SNX18: variants seen among roughly 807,000 people sequenced by gnomAD.
SNX18 encodes sorting nexin 18.
In SNX18, 35 loss-of-function variants were observed where a neutral mutation model predicts 48.7. The ratio of observed to expected loss-of-function variants is 0.72; its 90% CI spans 0.55 to 0.95. SNX18 has a LOEUF of 0.95. Among genes scored for constraint, SNX18 ranks in the 40% least tolerant of loss-of-function variants. The pLI, the probability that SNX18 is intolerant of heterozygous loss-of-function variation, is 0.00. For synonymous variants in SNX18, 492 were observed against 384.7 expected (o/e 1.28, Z -3.26); for missense variants, 824 against 871.0 (o/e 0.95, Z 0.68).
At chr5:54,558,776 G>A in the SNX18 span, among the ~76,000 whole-genome samples, 7 of 152,106 alleles carry the variant, frequency 4.6e-5, no homozygotes. Flanking sequence ...GGGACTACAG[G>A]TTGTTCGATG....
the SNX18 span, among the ~76,000 whole-genome samples, chr5:54,594,363 C>T: frequency 6.6e-6 from 1 of 152,184 alleles, no homozygotes; most frequent in East Asian, 1.9e-4. Context: ...ACTCATGAGA[C>T]TGTACCCTTA....
At chr5:54,584,290 C>T in the SNX18 span, among the ~76,000 whole-genome samples, 101 of 152,108 alleles carry the variant, frequency 6.6e-4, no homozygotes, top group Non-Finnish European at 5.0e-4. Context: ...TCAGGCAGTC[C>T]GCGTGCCTCA....
the SNX18 span, among the ~76,000 whole-genome samples, chr5:54,609,585 A>G: frequency 5.3e-5 from 8 of 152,052 alleles, no homozygotes; most frequent in Admixed American, 1.3e-4. Context: ...CCTAAAGCTT[A>G]ATTTTCATAA....
chr5:54,640,905 C>A, the SNX18 span, among the ~76,000 whole-genome samples: 1 of 152,190 alleles, frequency 6.6e-6, no homozygotes, highest in Non-Finnish European at 1.5e-5. Context: ...ACTAAAAATA[C>A]AAAAATTAGC....
the SNX18 span, among the ~76,000 whole-genome samples, chr5:54,583,752 A>G: frequency 2.0e-5 from 3 of 152,234 alleles, no homozygotes; most frequent in Admixed American, 2.0e-4. Flanking sequence ...TAATTTTCCC[A>G]GATTAGGAAA....
At chr5:54,565,916 C>T in the SNX18 span, among the ~76,000 whole-genome samples, 1 of 152,080 alleles carries the variant, frequency 6.6e-6, no homozygotes, top group African/African-American at 2.4e-5. Context: ...AGAAAAGAAC[C>T]CACTGACTTT....
the SNX18 span, among the ~76,000 whole-genome samples, chr5:54,636,376 T>TA: frequency 6.6e-6 from 1 of 152,188 alleles, no homozygotes; most frequent in Non-Finnish European, 1.5e-5. Flanking sequence ...AACTTTTTTT[T>TA]TTATCTCTGG....
chr5:54,564,971 G>C, the SNX18 span, among the ~76,000 whole-genome samples: 2 of 152,212 alleles, frequency 1.3e-5, no homozygotes, highest in African/African-American at 4.8e-5. Context: ...CCATCTTCTT[G>C]AGGCTGCTCA....
chr5:54,641,038 C>G, the SNX18 span, among the ~76,000 whole-genome samples: 4,251 of 151,872 alleles, frequency 0.028, 206 homozygotes, highest in African/African-American at 0.097. Flanking sequence ...CCAGCCTGCA[C>G]GACAAAGCAA....
the SNX18 span, among the ~76,000 whole-genome samples, chr5:54,575,726 C>T: frequency 1.3e-5 from 2 of 152,042 alleles, no homozygotes; most frequent in Admixed American, 1.3e-4. Flanking sequence ...ATACTAGCCC[C>T]ACCCCACCAT....
At chr5:54,615,899 T>C in the SNX18 span, among the ~76,000 whole-genome samples, 1 of 152,180 alleles carries the variant, frequency 6.6e-6, no homozygotes, top group Non-Finnish European at 1.5e-5. Flanking sequence ...TTGGTGAATA[T>C]AAAGATAAGT....
chr5:54,539,001 A>G (rs142389382), intron 1 of SNX18, among the ~76,000 whole-genome samples: 1 of 152,280 alleles, frequency 6.6e-6, no homozygotes, highest in African/African-American at 2.4e-5. Context: ...AAAGTATGCT[A>G]TTTAATACCT....
chr5:54,604,380 C>T, the SNX18 span, among the ~76,000 whole-genome samples: 2 of 152,148 alleles, frequency 1.3e-5, no homozygotes, highest in African/African-American at 4.8e-5. Context: ...TCTACTGGCA[C>T]ACGAATGGAT....
At chr5:54,533,912 AG>A (rs774382039) in intron 1 of SNX18, among the ~76,000 whole-genome samples, 24 of 152,104 alleles carry the variant, frequency 1.6e-4, no homozygotes, top group Non-Finnish European at 3.1e-4. Flanking sequence ...AGGAAAGGGG[AG>A]GGGAAGAAGT....
chr5:54,610,057 A>G, the SNX18 span, among the ~76,000 whole-genome samples: 1 of 152,074 alleles, frequency 6.6e-6, no homozygotes, highest in East Asian at 1.9e-4. Flanking sequence ...CCATGACTGT[A>G]AGCTTCATGA....
the SNX18 span, among the ~76,000 whole-genome samples, chr5:54,590,921 T>A: frequency 6.6e-6 from 1 of 152,140 alleles, no homozygotes; most frequent in Non-Finnish European, 1.5e-5. Flanking sequence ...GTTCATTTGA[T>A]ATGAATTCTC....
At chr5:54,569,866 G>T in the SNX18 span, among the ~76,000 whole-genome samples, 1 of 152,174 alleles carries the variant, frequency 6.6e-6, no homozygotes, top group African/African-American at 2.4e-5. Flanking sequence ...AGATTCATGG[G>T]GAGGGGGCAA....
At chr5:54,624,978 A>T in the SNX18 span, among the ~76,000 whole-genome samples, 1 of 152,244 alleles carries the variant, frequency 6.6e-6, no homozygotes, top group African/African-American at 2.4e-5. Context: ...ATGAAAGTTT[A>T]CATTTTTTTC....
the SNX18 span, among the ~76,000 whole-genome samples, chr5:54,623,926 G>A: frequency 3.1e-3 from 465 of 152,260 alleles, 3 homozygotes; most frequent in Non-Finnish European, 5.3e-3. Context: ...CAACTTTGAG[G>A]TATAGAAACA....
Sources: allele counts gnomAD v4.1 joint callset (sites outside exome capture counted in the v4.1 genomes callset), GRCh38; gene constraint gnomAD v4.1.1; transcripts MANE v1.5; gene names NCBI Gene and HGNC (gene_info 2026-07-23, HGNC 2026-07-21).